The following MEGF6 variants were observed in gnomAD, a reference collection of about 807,000 sequenced individuals.
The protein encoded by MEGF6 is multiple epidermal growth factor-like domains protein 6.
In MEGF6, 184 loss-of-function variants were observed where a neutral mutation model predicts 207.1. The ratio of observed to expected loss-of-function variants is 0.89; its 90% confidence interval spans 0.79 to 1.00. The LOEUF is 1.00. Ranked by LOEUF, MEGF6 falls within the 50% of genes least tolerant of loss-of-function variation. The probability of loss-of-function intolerance (pLI) is 0.00; values close to 1 mark genes in which losing one functional copy is unlikely to be tolerated. For missense variants in MEGF6, 2,282 were observed against 2,202.9 expected, an observed-to-expected ratio of 1.04 and a Z score of -0.72; for synonymous variants, 1,038 against 910.0, an observed-to-expected ratio of 1.14 and a Z score of -2.53.
Position 3,505,398 on chromosome 1 carries a change from C to CCG in MEGF6, c.2053+23_2053+24insCG, listed in dbSNP as rs1553192363. ...TTAACCGACCCTGGCGCCCCCCGCC[C>CCG]CCAGACCCCATGCCTGGACTCACCT... On this transcript the variant is annotated intron_variant, in intron 16 of 36. Transcript: ENST00000356575. 1,836 of 1,576,500 alleles carry CCG rather than the reference C, an allele frequency of 1.2e-3. 22 individuals carry two copies. The highest frequency in any genetic ancestry group is 8.1e-3 in the East Asian group (353 of 43,420).
intron 10 of MEGF6, 30 bp downstream of exon 10, chr1:3,510,753 C>T: frequency 6.3e-7 from 1 of 1,580,550 alleles, no homozygotes; most frequent in South Asian, 1.1e-5. Context: ...CCAGGCCACC[C>T]CAGCTGTGCA....
chr1:3,559,522 TAAAAAAAAAA>T (rs59799522), intron 4 of MEGF6, among the ~76,000 whole-genome samples: 1,460 of 105,564 alleles, frequency 0.014, 23 homozygotes, highest in African/African-American at 0.042. Flanking sequence ...CCTTGTCTCT[TAAAAAAAAAA>T]AAAAAAAAAA....
At chr1:3,597,252 T>C (rs1248820191) in intron 2 of MEGF6, among the ~76,000 whole-genome samples, 1 of 152,124 alleles carries the variant, frequency 6.6e-6, no homozygotes, top group Admixed American at 6.5e-5. Flanking sequence ...CTTTCCTGCT[T>C]CCCCAGAGCA....
rs202226429 is a variant in MEGF6 at position 3,499,609 on chromosome 1, G to A, written c.2944C>T (p.Arg982Trp). ...GCACTCTCGGCACAGCGGGGGCCCC[G>A]GCGGCCAGCGGGGCAGAGGCAGGAG... ...NGSCLCPAGR[R>W]GPRCAETCPA... Residue 982 changes from arginine to tryptophan, a missense_variant, in exon 23 of 37, where the codon CGG becomes TGG. Physicochemically the swap from Arg to Trp is moderately radical, Grantham distance 101 (BLOSUM62 -3). Transcript: ENST00000356575. 729 of 1,584,710 alleles carry A rather than the reference G, an allele frequency of 4.6e-4. 3 individuals are homozygous for A. In the African/African-American group the frequency reaches 7.8e-3, roughly 17 times the overall value.
chr1:3,528,816 A>T (rs949322315), intron 4 of MEGF6, among the ~76,000 whole-genome samples: 6 of 152,224 alleles, frequency 3.9e-5, no homozygotes, highest in Non-Finnish European at 7.3e-5. Flanking sequence ...GAAGGAGCAC[A>T]GCCCTGCCCA....
chr1:3,577,878 G>A (rs891126884), intron 4 of MEGF6, among the ~76,000 whole-genome samples: 1 of 152,174 alleles, frequency 6.6e-6, no homozygotes, highest in Non-Finnish European at 1.5e-5. Context: ...CTCGCCCCAC[G>A]CTGGACACTG....
chr1:3,544,021 G>A (rs925596008), intron 4 of MEGF6, among the ~76,000 whole-genome samples: 9 of 152,176 alleles, frequency 5.9e-5, no homozygotes, highest in African/African-American at 2.2e-4. Flanking sequence ...ACCCGGAGCC[G>A]CTCTATCGCG....
chr1:3,492,775 G>T lies in MEGF6; in HGVS notation c.4388-8C>A. 2 of 1,606,622 alleles carry T rather than the reference G, an allele frequency of 1.2e-6. No individual in the cohort carries two copies. The highest frequency in any genetic ancestry group is 1.7e-6 in the Non-Finnish European group (2 of 1,175,534). On this transcript the variant is annotated splice_polypyrimidine_tract_variant and splice_region_variant and intron_variant, in intron 34 of 36. Transcript: ENST00000356575. ...ACTGGCCCCTTCTGCAATCTGCAAG[G>T]CGGAGGGGGCGGGAGACAAACCTGA...
rs1050940408 is a variant in MEGF6 at position 3,500,839 on chromosome 1, G to A, written c.2576-75C>T. ...GGCACCACAGCCGAGTCAGGCACAGGGGCGTCTCAGGACTGGGGCAAGGCC... is the reference window on the plus strand; with the variant it reads ...GGCACCACAGCCGAGTCAGGCACAGAGGCGTCTCAGGACTGGGGCAAGGCC... On this transcript the variant is annotated intron_variant, in intron 20 of 36. Coordinates refer to ENST00000356575, the MANE Select transcript of MEGF6 (RefSeq NM_001409.4). The A allele has an allele frequency of 7.5e-6, 12 of 1,592,776 alleles. No individual in the cohort carries two copies. The African/African-American group carries it at 1.5e-4, about 20-fold the overall frequency.
At chr1:3,609,047 C>T (rs1047356094) in intron 1 of MEGF6, among the ~76,000 whole-genome samples, 2 of 152,192 alleles carry the variant, frequency 1.3e-5, no homozygotes, top group African/African-American at 4.8e-5. Context: ...GGTTCAGGAA[C>T]ACTCAGCCAG....
chr1:3,582,650 C>A (rs779446215), intron 3 of MEGF6, among the ~76,000 whole-genome samples: 3 of 152,178 alleles, frequency 2.0e-5, no homozygotes, highest in Non-Finnish European at 4.4e-5. Flanking sequence ...CACAAAACAC[C>A]GCGGCCCCCA....
Position 3,501,282 on chromosome 1 carries a change from C to A in MEGF6, c.2341G>T (p.Gly781Cys). Residue 781 changes from glycine to cysteine, a missense_variant, in exon 19 of 37, where the codon GGC becomes TGC. By Grantham distance (159) the Gly-to-Cys change is radical. Coordinates refer to ENST00000356575, the MANE Select transcript of MEGF6 (RefSeq NM_001409.4). ...ADCPEGRWGL[G>C]CQEICPACQH... ...CATGCTGGGCAGATCTCCTGGCAGC[C>A]CAGCCCCCAGCGGCCCTCGGGACAA... 1 of 1,603,808 alleles carries A rather than the reference C, an allele frequency of 6.2e-7. No homozygotes were observed. Among genetic ancestry groups the A allele is most frequent in the Non-Finnish European group, 8.5e-7 (1 of 1,175,916 alleles).
At chr1:3,497,490 C>T in intron 26 of MEGF6, 129 bp from the exon 27 acceptor site, 2 of 1,235,002 alleles carry the variant, frequency 1.6e-6, no homozygotes, top group Non-Finnish European at 2.2e-6. Flanking sequence ...GCTGTGCTCA[C>T]CATTCTCACA....
chr1:3,502,049 C>CGTG lies in MEGF6; in HGVS notation c.2189-129_2189-128insCAC, dbSNP rs1640912187. 99 of 465,614 alleles carry CGTG rather than the reference C, an allele frequency of 2.1e-4. 7 individuals are homozygous for CGTG. Among genetic ancestry groups the CGTG allele is most frequent in the African/African-American group, 5.1e-4 (8 of 15,626 alleles). 28.8% of individuals were successfully genotyped at this position (465,614 alleles called of 1,614,324 possible). Reference sequence around the variant, plus strand: ...ATGGGCTCCTGGCGAGTGTGCCCCCCCGGCGCCTCCTCACATGGGCTCCTG... The same window carrying CGTG: ...ATGGGCTCCTGGCGAGTGTGCCCCCCGTGCGGCGCCTCCTCACATGGGCTCCTG... On this transcript the variant is annotated intron_variant, in intron 17 of 36. Transcript: ENST00000356575.
rs1189866860 is a variant in MEGF6, at chr1:3,500,956, G to A, written c.2575+10C>T. On this transcript the variant is annotated intron_variant, in intron 20 of 36. Coordinates refer to ENST00000356575, the MANE Select transcript of MEGF6 (RefSeq NM_001409.4). ...TGTCTGGACAAAGGGCAAGCCAAGG[G>A]CCCCCGTACCTCTCTGGCAGCTAAA... is the stretch of plus-strand genomic sequence containing the variant. The A allele has an allele frequency of 2.5e-6, 4 of 1,611,022 alleles. No individual in the cohort carries two copies. Among genetic ancestry groups the A allele is most frequent in the East Asian group, 2.2e-5 (1 of 44,886 alleles).
At chr1:3,538,288 C>T (rs534996300) in intron 4 of MEGF6, among the ~76,000 whole-genome samples, 1 of 152,298 alleles carries the variant, frequency 6.6e-6, no homozygotes, top group East Asian at 1.9e-4. Context: ...CCCCTTCTCC[C>T]ACTGTCGCCA....
chr1:3,522,109 G>A (rs1344708744), intron 5 of MEGF6, among the ~76,000 whole-genome samples: 1 of 152,226 alleles, frequency 6.6e-6, no homozygotes, highest in Non-Finnish European at 1.5e-5. Context: ...ACAGCTCCGG[G>A]GCTGTATTTC....
chr1:3,617,598 C>G, the MEGF6 span, among the ~76,000 whole-genome samples: 2 of 152,186 alleles, frequency 1.3e-5, no homozygotes, highest in African/African-American at 4.8e-5. Context: ...GTGTCACAAA[C>G]CTGCACATCC....
Position 3,493,817 on chromosome 1 carries a change from A to T in MEGF6, c.4341T>A (p.Gly1447=). The change falls in exon 34 of 37, where the codon GGT becomes GGA. Residue 1447 remains glycine, a synonymous_variant. Transcript: ENST00000356575. ...DGGAPCDPVT[G]LCLCPPGRSG... ...AGCGCCCTGGTGGGCAAAGGCAGAG[A>T]CCGGTGACAGGGTCACAGGGTGCCC... The T allele has an allele frequency of 6.2e-7, 1 of 1,610,186 alleles. No individual in the cohort carries two copies. Among genetic ancestry groups the T allele is most frequent in the South Asian group, 1.1e-5 (1 of 90,570 alleles).
Sources: gnomAD v4.1 joint callset for allele counts (sites outside exome capture counted in the v4.1 genomes callset) on GRCh38, gnomAD v4.1.1 for gene constraint, MANE v1.5 for transcripts, NCBI Gene and HGNC (gene_info 2026-07-23, HGNC 2026-07-21) for gene names.